The following USP32 variants were observed in gnomAD, a reference collection of about 807,000 sequenced individuals.
USP32 encodes the protein ubiquitin specific peptidase 32.
Under a neutral mutation model 204.8 loss-of-function variants are expected in USP32, and 59 were observed. The ratio of observed to expected loss-of-function variants is 0.29; its 90% CI spans 0.23 to 0.36. USP32 has a LOEUF of 0.36. Among genes scored for constraint, USP32 ranks in the 10% least tolerant of loss-of-function variants. The pLI is 1.00. For missense variants in USP32, 1,160 were observed against 1,946.4 expected, an observed-to-expected ratio of 0.60 and a Z score of 7.60; for synonymous variants, 517 against 678.4, an observed-to-expected ratio of 0.76 and a Z score of 3.70.
intron 5 of USP32, among the ~76,000 whole-genome samples, chr17:60,283,275 A>G (rs1188184249): frequency 6.6e-6 from 1 of 152,220 alleles, no homozygotes; most frequent in Non-Finnish European, 1.5e-5. Context: ...TAGTTGAGGC[A>G]AAGAACACAC....
intron 4 of USP32, among the ~76,000 whole-genome samples, chr17:60,290,420 T>A (rs2087243374): frequency 1.3e-5 from 2 of 152,162 alleles, no homozygotes; most frequent in African/African-American, 4.8e-5. Context: ...TGCCAACATG[T>A]TTAGAGATGA....
At chr17:60,275,091 C>G (rs1598179736) in intron 5 of USP32, among the ~76,000 whole-genome samples, 1 of 152,112 alleles carries the variant, frequency 6.6e-6, no homozygotes. Context: ...ATGTTTTGTT[C>G]CCTGTTACAG....
intron 26 of USP32, among the ~76,000 whole-genome samples, chr17:60,200,269 G>C (rs1312196256): frequency 1.3e-5 from 2 of 151,616 alleles, no homozygotes; most frequent in Non-Finnish European, 1.5e-5. Context: ...GAGGTAAAAG[G>C]GTACATTTCT....
rs1293455533 is a variant in USP32 at position 60,178,157 on chromosome 17, C to A, written c.*1098G>T. On this transcript the variant is annotated 3_prime_UTR_variant, in exon 34 of 34. Transcript: ENST00000300896. ...AACTAAAGTTGACTTCCTAAAACCA[C>A]CAATTTCATTAAATACACTTATGAA... Among the ~76,000 whole-genome samples, 1 of 152,088 alleles carries A rather than the reference C, an allele frequency of 6.6e-6. No individual in the cohort carries two copies. Among genetic ancestry groups the A allele is most frequent in the African/African-American group, 2.4e-5 (1 of 41,426 alleles).
chr17:60,279,098 T>C lies in USP32; in HGVS notation c.572-7617A>G, dbSNP rs188399812. On this transcript the variant is annotated intron_variant, in intron 5 of 33. Transcript: ENST00000300896. Reference sequence around the variant, plus strand: ...TTACATAGAATGTTTATGCTCCCTATACAAGCTTTCTGACTCAACATCATC... The same window carrying C: ...TTACATAGAATGTTTATGCTCCCTACACAAGCTTTCTGACTCAACATCATC... Among the ~76,000 whole-genome samples, 35 of 152,332 alleles carry C rather than the reference T, an allele frequency of 2.3e-4. 1 individual carries two copies. The highest frequency in any genetic ancestry group is 7.9e-4 in the African/African-American group (33 of 41,578).
At chr17:60,279,343 G>A (rs1003877881) in intron 5 of USP32, among the ~76,000 whole-genome samples, 13 of 151,660 alleles carry the variant, frequency 8.6e-5, no homozygotes, top group Non-Finnish European at 1.6e-4. Flanking sequence ...GAAATTAGCC[G>A]GGTGTGGTGA....
chr17:60,179,090 A>C lies in USP32; in HGVS notation c.*165T>G. ...GAGACTTCAAAATAAAATGATTACT[A>C]CTCTTAAAGTTAACTATTTTAATTA... On this transcript the variant is annotated 3_prime_UTR_variant, in exon 34 of 34. Transcript: ENST00000300896. 2 of 782,092 alleles carry C rather than the reference A, an allele frequency of 2.6e-6. No individual in the cohort carries two copies. Among genetic ancestry groups the C allele is most frequent in the African/African-American group, 3.5e-5 (2 of 56,806 alleles). The allele number at this position is 782,092 out of a possible 1,614,324, so 48.4% of individuals were successfully genotyped here.
intron 12 of USP32, among the ~76,000 whole-genome samples, chr17:60,228,623 G>A (rs2085461602): frequency 6.6e-6 from 1 of 150,516 alleles, no homozygotes; most frequent in Admixed American, 6.6e-5. Context: ...TTGGAGACCA[G>A]CCCGAGCAAC....
intron 9 of USP32, chr17:60,256,743 T>G: frequency 8.5e-7 from 1 of 1,175,910 alleles, no homozygotes; most frequent in Non-Finnish European, 1.1e-6. Flanking sequence ...TCAAAGGCTA[T>G]GTAAGATCTG....
At chr17:60,329,291 T>C (rs183185480) in intron 2 of USP32, among the ~76,000 whole-genome samples, 2 of 150,360 alleles carry the variant, frequency 1.3e-5, no homozygotes, top group African/African-American at 2.5e-5. Context: ...TTTTTTTTCA[T>C]GTAAGAATTG....
At chr17:60,410,190 G>A (rs2090007109) in intron 1 of USP32, among the ~76,000 whole-genome samples, 1 of 152,096 alleles carries the variant, frequency 6.6e-6, no homozygotes, top group African/African-American at 2.4e-5. Context: ...GCATTCTGAT[G>A]GGCTATCTGG....
At position 60,323,217 on chromosome 17, in the gene USP32, T is replaced by C. The variant is rs62082065; in HGVS notation, c.187-21513A>G. On this transcript the variant is annotated intron_variant, in intron 2 of 33. Transcript: ENST00000300896. ...ATGTTCACAGCAGCATTATTTATAATAACAAAAAAGTGGAAATAACCCAAA... is the reference window on the plus strand; with the variant it reads ...ATGTTCACAGCAGCATTATTTATAACAACAAAAAAGTGGAAATAACCCAAA... 4.0e-3 allele frequency among the ~76,000 whole-genome samples: 604 copies of C among 152,050 alleles called. 6 individuals carry two copies. The highest frequency in any genetic ancestry group is 0.031 in the South Asian group (148 of 4,822).
chr17:60,190,745 A>G (rs1182851249), intron 28 of USP32, 62 bp from the exon 29 acceptor site: 11 of 1,561,328 alleles, frequency 7.0e-6, no homozygotes, highest in Non-Finnish European at 9.4e-6. Flanking sequence ...AAATTTTCTT[A>G]ATAAAAAATA....
At chr17:60,294,905 G>C (rs976469460) in intron 3 of USP32, 104 bp from the exon 4 acceptor site, 2 of 659,460 alleles carry the variant, frequency 3.0e-6, no homozygotes, top group Non-Finnish European at 5.3e-6. Context: ...GTGATTACTA[G>C]GGCCAAGCAC....
At chr17:60,405,099 A>T (rs767481485) in intron 1 of USP32, among the ~76,000 whole-genome samples, 1 of 152,208 alleles carries the variant, frequency 6.6e-6, no homozygotes, top group Non-Finnish European at 1.5e-5. Context: ...AGGGAGGTAG[A>T]GGCTGCAGTG....
intron 1 of USP32, among the ~76,000 whole-genome samples, chr17:60,348,265 A>C (rs2088837830): frequency 6.6e-6 from 1 of 152,190 alleles, no homozygotes; most frequent in East Asian, 1.9e-4. Flanking sequence ...ATCAGTATAG[A>C]GGTAGTAATT....
At chr17:60,348,071 A>C (rs2088833167) in intron 1 of USP32, among the ~76,000 whole-genome samples, 1 of 151,844 alleles carries the variant, frequency 6.6e-6, no homozygotes, top group African/African-American at 2.4e-5. Flanking sequence ...GCAGTGAGCC[A>C]AGATAGCGCC....
At chr17:60,321,080 C>T (rs1177306744) in intron 2 of USP32, among the ~76,000 whole-genome samples, 1 of 152,028 alleles carries the variant, frequency 6.6e-6, no homozygotes, top group Non-Finnish European at 1.5e-5. Flanking sequence ...GACTGAAAAT[C>T]GGAGATCCAG....
intron 11 of USP32, among the ~76,000 whole-genome samples, chr17:60,239,865 T>C (rs2085830419): frequency 6.6e-6 from 1 of 152,130 alleles, no homozygotes; most frequent in Non-Finnish European, 1.5e-5. Context: ...TTCCAAGTAG[T>C]TGGGATTACA....
Sources: allele counts gnomAD v4.1 joint callset (sites outside exome capture counted in the v4.1 genomes callset), GRCh38; gene constraint gnomAD v4.1.1; transcripts MANE v1.5; gene names NCBI Gene and HGNC (gene_info 2026-07-23, HGNC 2026-07-21).